Variants in USP1 observed in about 807,000 individuals in gnomAD.
USP1 encodes the protein ubiquitin carboxyl-terminal hydrolase 1.
USP1 carries 18 observed loss-of-function variants against 72.2 expected under a neutral mutation model. The ratio of observed to expected loss-of-function variants is 0.25; its 90% CI spans 0.17 to 0.37. The LOEUF (loss-of-function observed/expected upper bound fraction) is 0.37. Ranked by LOEUF, USP1 falls within the 10% of genes least tolerant of loss-of-function variation. The probability of loss-of-function intolerance (pLI) is 1.00; values close to 1 mark genes in which losing one functional copy is unlikely to be tolerated. For missense variants in USP1, 759 were observed against 884.9 expected, an observed-to-expected ratio of 0.86 and a Z score of 1.81; for synonymous variants, 354 against 303.7, an observed-to-expected ratio of 1.17 and a Z score of -1.72.
chr1:62,440,106 C>T, intron 2 of USP1, 69 bp downstream of exon 2: 46 of 1,318,536 alleles, frequency 3.5e-5, no homozygotes, highest in Non-Finnish European at 4.5e-5. Context: ...GTTGACAACT[C>T]CAGTCTGACT....
chr1:62,441,488 T>C lies in USP1; in HGVS notation c.171T>C (p.Ile57=), dbSNP rs758938297. Residue 57 remains isoleucine, a splice_region_variant and synonymous_variant, in exon 3 of 9, where the codon ATT becomes ATC. Coordinates refer to ENST00000339950, the MANE Select transcript of USP1 (RefSeq NM_003368.5). ...TCGTTCTCCCTTCTATATTTCATAG[T>C]GATCAAGTTGTTCCTGCAGCACAGT... ...EKASEYRASE[I]DQVVPAAQSS... is the part of the protein sequence containing the mutation. The C allele has an allele frequency of 1.7e-5, 28 of 1,600,524 alleles. No individual in the cohort carries two copies. In the South Asian group the frequency reaches 3.1e-4, roughly 18 times the overall value.
In USP1 at chr1:62,439,036, A is replaced by G. The variant is rs568481350; in HGVS notation, c.-69-763A>G. On this transcript the variant is annotated intron_variant, in intron 1 of 8. Coordinates refer to ENST00000339950, the MANE Select transcript of USP1 (RefSeq NM_003368.5). Reference sequence around the variant, plus strand: ...TTAGGTACTTTATTTTCATATATCCATGTTAATAACTAGAAAAGGCATTGG... The same window carrying G: ...TTAGGTACTTTATTTTCATATATCCGTGTTAATAACTAGAAAAGGCATTGG... Among the ~76,000 whole-genome samples the G allele has an allele frequency of 2.6e-5, 4 of 152,312 alleles. No individual in the cohort carries two copies. In the South Asian group the frequency reaches 8.3e-4, roughly 32 times the overall value.
chr1:62,449,088 T>C (rs1015285028), intron 8 of USP1, among the ~76,000 whole-genome samples: 45 of 152,316 alleles, frequency 3.0e-4, no homozygotes, highest in African/African-American at 1.1e-3. Flanking sequence ...TTCACCATGT[T>C]GCCCAGTCTG....
chr1:62,443,156 C>T lies in USP1; in HGVS notation c.397-3C>T. On this transcript the variant is annotated splice_region_variant and splice_polypyrimidine_tract_variant and intron_variant, in intron 4 of 8. Transcript: ENST00000339950. ...ATTGGTTTGTGTGTTTCTTTCTTGA[C>T]AGGGAAATTGCAAAGAAGATTCTTT... The T allele has an allele frequency of 6.2e-7, 1 of 1,605,340 alleles. No individual in the cohort carries two copies. The highest frequency in any genetic ancestry group is 1.3e-5 in the African/African-American group (1 of 74,344).
chr1:62,447,985 A>C (rs1191525937), intron 7 of USP1, among the ~76,000 whole-genome samples: 2 of 152,010 alleles, frequency 1.3e-5, no homozygotes, highest in Non-Finnish European at 2.9e-5. Flanking sequence ...ACGGGGTTTC[A>C]CCATGTTAGC....
chr1:62,447,355 G>T lies in USP1; in HGVS notation c.1264G>T (p.Gly422Cys), dbSNP rs1265481485. 1.9e-6 allele frequency: 3 copies of T among 1,613,218 alleles called. No homozygotes were observed. The highest frequency in any genetic ancestry group is 2.5e-6 in the Non-Finnish European group (3 of 1,179,706). ...TTTCATTTTAGGTGAAGAACAAATT[G>T]GTTTTGAGCTAGTGGAGAAATTATT... ...KPINKGEEQI[G>C]FELVEKLFQG... The change falls in exon 7 of 9, where the codon GGT becomes TGT. Residue 422 changes from glycine (G) to cysteine (C), a missense_variant. Physicochemically the swap from Gly to Cys is radical, Grantham distance 159. Coordinates refer to ENST00000339950, the MANE Select transcript of USP1 (RefSeq NM_003368.5).
At chr1:62,444,712 G>C in intron 5 of USP1, 26 bp from the exon 6 acceptor site, 2 of 1,494,768 alleles carry the variant, frequency 1.3e-6, no homozygotes, top group Non-Finnish European at 1.8e-6. Context: ...AACTAGAATA[G>C]ATGAAATGGA....
In USP1 at chr1:62,445,163, C is replaced by G. The variant is rs143261841; in HGVS notation, c.983C>G (p.Pro328Arg). 1.9e-6 allele frequency: 3 copies of G among 1,613,214 alleles called. No homozygotes were observed. In the East Asian group the frequency reaches 6.7e-5, roughly 36 times the overall value. Residue 328 changes from proline (P) to arginine (R), a missense_variant, in exon 6 of 9, where the codon CCA (proline) becomes CGA (arginine). Physicochemically the swap from Pro to Arg is moderately radical, Grantham distance 103 (BLOSUM62 -2). This residue lies in a region of USP1 where 245 missense variants were observed against 240.7 expected (regional missense o/e 1.02). Transcript: ENST00000339950. The stretch of plus-strand genomic sequence containing the variant: ...AAGTATATTTCTGAAAATGAGAGTC[C>G]AAGACCCTCACAAAAGAAATCAAGA... ...IPKYISENES[P>R]RPSQKKSRVK...
At chr1:62,438,354 T>G (rs1228078620) in intron 1 of USP1, among the ~76,000 whole-genome samples, 2 of 152,100 alleles carry the variant, frequency 1.3e-5, no homozygotes, top group African/African-American at 4.8e-5. Context: ...AGACAGCGCT[T>G]CCTCAGAAGC....
In USP1 at chr1:62,450,413, C is replaced by T. The variant is rs757616803; in HGVS notation, c.1790C>T (p.Ser597Phe). 4 of 1,613,984 alleles carry T rather than the reference C, an allele frequency of 2.5e-6. No homozygotes were observed. The highest frequency in any genetic ancestry group is 1.7e-5 in the Admixed American group (1 of 59,984). ...ITISSGHYTA[S>F]VKVTDLNSLE... The stretch of plus-strand genomic sequence containing the variant: ...ATTAGTAGTGGGCATTACACTGCTT[C>T]TGTTAAAGTCACTGACCTTAACAGT... The change falls in exon 9 of 9, where the codon TCT (serine) becomes TTT (phenylalanine). Residue 597 changes from serine (S) to phenylalanine (F), a missense_variant. Coordinates refer to ENST00000339950, the MANE Select transcript of USP1 (RefSeq NM_003368.5).
At chr1:62,437,908 G>A (rs894414827) in intron 1 of USP1, among the ~76,000 whole-genome samples, 1 of 152,222 alleles carries the variant, frequency 6.6e-6, no homozygotes, top group Non-Finnish European at 1.5e-5. Flanking sequence ...TCGGAATCGA[G>A]TCGTGTCATC....
rs370067920 is a variant in USP1, at chr1:62,450,611, T to C, written c.1988T>C (p.Val663Ala). The C allele has an allele frequency of 2.7e-4, 437 of 1,613,986 alleles. No individual in the cohort carries two copies. Among genetic ancestry groups the C allele is most frequent in the Non-Finnish European group, 3.5e-4 (411 of 1,180,026 alleles). Reference protein sequence around the residue: ...QPSKVLNKKNVEAIGLLGGQK... With the variant: ...QPSKVLNKKNAEAIGLLGGQK... ...AGTAAAGTTTTGAACAAAAAAAATGTAGAAGCTATTGGACTTCTTGGAGGA... is the reference window on the plus strand; with the variant it reads ...AGTAAAGTTTTGAACAAAAAAAATGCAGAAGCTATTGGACTTCTTGGAGGA... The change falls in exon 9 of 9, where the codon GTA becomes GCA. Residue 663 changes from valine (V) to alanine (A), a missense_variant. Around this residue, in one of 9 missense-constraint regions of USP1, gnomAD observed 159 missense variants for 140.9 expected, o/e 1.13. Transcript: ENST00000339950.
At chr1:62,442,387 G>A in intron 4 of USP1, 88 bp downstream of exon 4, 1 of 906,092 alleles carries the variant, frequency 1.1e-6, no homozygotes, top group Non-Finnish European at 1.6e-6. Context: ...AGGACTGGGG[G>A]GGTGGATGAC....
In USP1 at chr1:62,450,980, AGAGT is replaced by A. The variant is rs769675354; in HGVS notation, c.*5_*8del. On this transcript the variant is annotated stop_retained_variant and 3_prime_UTR_variant, in exon 9 of 9. Transcript: ENST00000339950. ...TACTTGCTATTTTATAAGAAATTAT[AGAGT>A]GAGTGTATTTTCCTTGTGTATATAT... The A allele has an allele frequency of 1.9e-6, 3 of 1,578,688 alleles. No homozygotes were observed. The highest frequency in any genetic ancestry group is 2.7e-5 in the African/African-American group (2 of 73,182).
In USP1 at chr1:62,445,411, G is replaced by A; in HGVS notation, c.1231G>A (p.Val411Ile). The A allele has an allele frequency of 1.3e-6, 2 of 1,566,672 alleles. No individual in the cohort carries two copies. The highest frequency in any genetic ancestry group is 8.6e-7 in the Non-Finnish European group (1 of 1,160,774). The change falls in exon 6 of 9, where the codon GTT (valine) becomes ATT (isoleucine). Residue 411 changes from valine to isoleucine, a missense_variant. Val to Ile is a conservative substitution (Grantham distance 29). Around this residue, in one of 9 missense-constraint regions of USP1, gnomAD observed 245 missense variants for 240.7 expected, o/e 1.02. Coordinates refer to ENST00000339950, the MANE Select transcript of USP1 (RefSeq NM_003368.5). Reference protein sequence around the residue: ...NTVTPVNVNEVKPINKGEEQI... With the variant: ...NTVTPVNVNEIKPINKGEEQI... ...TGTTACACCTGTAAATGTTAATGAA[G>A]TTAAACCCATAAACAAAGGTTAGTA... is the stretch of plus-strand genomic sequence containing the variant.
intron 2 of USP1, among the ~76,000 whole-genome samples, chr1:62,441,087 T>C (rs1645131423): frequency 6.6e-6 from 1 of 152,108 alleles, no homozygotes; most frequent in African/African-American, 2.4e-5. Context: ...TTCTTATTAA[T>C]AGAATCTTAC....
rs1167387723 is a variant in USP1, at chr1:62,451,767, A to G, written c.*786A>G. Reference sequence around the variant, plus strand: ...ATGAATATTTGAATTTTTTACTTGTATATTTTTATAAATACAGCTGAGTTT... The same window carrying G: ...ATGAATATTTGAATTTTTTACTTGTGTATTTTTATAAATACAGCTGAGTTT... On this transcript the variant is annotated 3_prime_UTR_variant, in exon 9 of 9. Transcript: ENST00000339950. 2 of 152,600 alleles carry G rather than the reference A, an allele frequency of 1.3e-5. No individual in the cohort carries two copies. The highest frequency in any genetic ancestry group is 3.8e-4 in the East Asian group (2 of 5,204). The allele number at this position is 152,600 out of a possible 1,614,324, so 9.5% of individuals were successfully genotyped here.
At chr1:62,447,532 G>T (rs1645184054) in intron 7 of USP1, 21 bp downstream of exon 7, 2 of 1,600,812 alleles carry the variant, frequency 1.2e-6, no homozygotes, top group Admixed American at 1.8e-5. Context: ...TTGGAGTCTT[G>T]TGTGGACCAT....
chr1:62,444,924 C>T lies in USP1; in HGVS notation c.744C>T (p.Ser248=), dbSNP rs147939622. The T allele has an allele frequency of 2.9e-5, 46 of 1,613,454 alleles. No individual in the cohort carries two copies. Among genetic ancestry groups the T allele is most frequent in the Non-Finnish European group, 3.9e-5 (46 of 1,179,808 alleles). ...HPKEEMNGIN[S]IEMDSMRHSE... ...AAGAGGAAATGAATGGTATTAACAG[C>T]ATAGAGATGGACAGTATGAGGCATT... Residue 248 remains serine, a synonymous_variant, in exon 6 of 9, where the codon AGC becomes AGT. Coordinates refer to ENST00000339950, the MANE Select transcript of USP1 (RefSeq NM_003368.5).
Sources: gnomAD v4.1 joint callset for allele counts (sites outside exome capture counted in the v4.1 genomes callset) on GRCh38, gnomAD v4.1.1 for gene constraint, gnomAD v4.1.1 regional missense constraint, MANE v1.5 for transcripts, NCBI Gene and HGNC (gene_info 2026-07-23, HGNC 2026-07-21) for gene names.